Variants in NFIA observed in about 807,000 individuals in gnomAD.
NFIA encodes the protein nuclear factor 1 A-type.
NFIA carries 8 observed loss-of-function variants against 62.8 expected under a neutral mutation model. The observed-to-expected ratio is 0.13, with a 90% CI of 0.07 to 0.23. The LOEUF is 0.23. Ranked by LOEUF, NFIA falls within the 10% of genes least tolerant of loss-of-function variation. The probability of loss-of-function intolerance (pLI) is 1.00; values close to 1 mark genes in which losing one functional copy is unlikely to be tolerated. For missense variants in NFIA, 410 were observed against 642.1 expected (o/e 0.64, Z 3.91); for synonymous variants, 235 against 238.1 (o/e 0.99, Z 0.12).
chr1:61,219,636 C>T (rs570381001), intron 2 of NFIA, among the ~76,000 whole-genome samples: 172 of 149,420 alleles, frequency 1.2e-3, no homozygotes, highest in African/African-American at 4.1e-3. Flanking sequence ...ATGGCGTGAA[C>T]GCGGGAGGCG....
At chr1:61,331,787 T>G (rs1005611327) in intron 3 of NFIA, among the ~76,000 whole-genome samples, 6 of 152,186 alleles carry the variant, frequency 3.9e-5, no homozygotes, top group Non-Finnish European at 7.4e-5. Context: ...TAGTTGGTGA[T>G]CGACATAATA....
chr1:61,190,760 A>G (rs1413136620), intron 2 of NFIA, among the ~76,000 whole-genome samples: 1 of 152,204 alleles, frequency 6.6e-6, no homozygotes, highest in South Asian at 2.1e-4. Flanking sequence ...TTCACTCTAG[A>G]CCATATTTGG....
At chr1:61,236,853 A>G (rs1655042950) in intron 2 of NFIA, among the ~76,000 whole-genome samples, 1 of 152,200 alleles carries the variant, frequency 6.6e-6, no homozygotes, top group African/African-American at 2.4e-5. Context: ...CAGTGAGAAT[A>G]TCTTAAGAAA....
intron 2 of NFIA, among the ~76,000 whole-genome samples, chr1:61,166,736 C>T (rs1189687303): frequency 6.6e-6 from 1 of 152,160 alleles, no homozygotes; most frequent in African/African-American, 2.4e-5. Flanking sequence ...AGTATAGGCT[C>T]TCTCAGCATG....
Position 61,422,289 on chromosome 1 carries a change from G to A in NFIA, c.1421-4176G>A, listed in dbSNP as rs553433412. On this transcript the variant is annotated intron_variant, in intron 9 of 10. Transcript: ENST00000403491. ...AAAAAATAAAGAAACCTCAACTGACGTTGGCATGAATATTTTAATATCTTA... is the reference window on the plus strand; with the variant it reads ...AAAAAATAAAGAAACCTCAACTGACATTGGCATGAATATTTTAATATCTTA... Among the ~76,000 whole-genome samples the A allele has an allele frequency of 2.2e-3, 335 of 152,190 alleles. 1 individual carries two copies. Among genetic ancestry groups the A allele is most frequent in the Non-Finnish European group, 3.4e-3 (228 of 67,998 alleles).
chr1:61,413,488 T>C (rs1023538219), intron 9 of NFIA, among the ~76,000 whole-genome samples: 3 of 152,102 alleles, frequency 2.0e-5, no homozygotes, highest in Non-Finnish European at 4.4e-5. Context: ...TACAGGCCTT[T>C]CCATGCTCTT....
chr1:61,267,750 C>T (rs939452966), intron 2 of NFIA, among the ~76,000 whole-genome samples: 1 of 152,122 alleles, frequency 6.6e-6, no homozygotes, highest in East Asian at 1.9e-4. Context: ...TGAATGTACA[C>T]AACAACTTGT....
chr1:61,138,287 G>T (rs950058609), intron 2 of NFIA, among the ~76,000 whole-genome samples: 1 of 151,948 alleles, frequency 6.6e-6, no homozygotes, highest in African/African-American at 2.4e-5. Context: ...GTAAAGATAG[G>T]GTCTCACCAT....
At chr1:61,224,399 A>G (rs1026600079) in intron 2 of NFIA, among the ~76,000 whole-genome samples, 3 of 152,146 alleles carry the variant, frequency 2.0e-5, no homozygotes, top group African/African-American at 7.2e-5. Flanking sequence ...ACATTAATAT[A>G]TTAGAGGGTC....
upstream of NFIA, chr1:61,081,715 T>A: frequency 8.4e-6 from 5 of 596,010 alleles, no homozygotes; most frequent in African/African-American, 1.9e-5. Context: ...GCCCCCCAAA[T>A]CCGGTGAATC....
Position 61,292,339 on chromosome 1 carries a change from G to T in NFIA, c.625+14754G>T, listed in dbSNP as rs2806428. 7.4e-4 allele frequency among the ~76,000 whole-genome samples: 112 copies of T among 152,124 alleles called. 1 individual carries two copies. The highest frequency in any genetic ancestry group is 2.6e-3 in the African/African-American group (108 of 41,480). On this transcript the variant is annotated intron_variant, in intron 3 of 10. Coordinates refer to ENST00000403491, the MANE Select transcript of NFIA (RefSeq NM_001134673.4). ...ATATTTTAGGGTGAATGAATGAATG[G>T]GTAAATGAATGAATCTTGTGTTCAG...
intron 7 of NFIA, among the ~76,000 whole-genome samples, chr1:61,390,250 A>C (rs1413980804): frequency 6.6e-6 from 1 of 152,168 alleles, no homozygotes; most frequent in Non-Finnish European, 1.5e-5. Flanking sequence ...CAAATAAATC[A>C]TGCTCTTAGA....
chr1:61,087,074 T>A (rs1646231525), intron 1 of NFIA, among the ~76,000 whole-genome samples: 1 of 152,124 alleles, frequency 6.6e-6, no homozygotes, highest in Admixed American at 6.5e-5. Context: ...CTTAATTTTT[T>A]AAAAAATATA....
At chr1:61,292,699 A>T (rs183222532) in intron 3 of NFIA, among the ~76,000 whole-genome samples, 10 of 152,318 alleles carry the variant, frequency 6.6e-5, no homozygotes, top group African/African-American at 2.4e-4. Flanking sequence ...AGAGCTTGTT[A>T]GGTATTTGAC....
rs1668294967 is a variant in NFIA, at chr1:61,456,218, G to A, written c.*898G>A. ...TAGCTAAATATCTTTGTAAGATAGA[G>A]ATTGTTGAAAATTCTATTTTTGTTT... On this transcript the variant is annotated 3_prime_UTR_variant, in exon 11 of 11. Coordinates refer to ENST00000403491, the MANE Select transcript of NFIA (RefSeq NM_001134673.4). 1 of 152,520 alleles carries A rather than the reference G, an allele frequency of 6.6e-6. No homozygotes were observed. Among genetic ancestry groups the A allele is most frequent in the Non-Finnish European group, 1.5e-5 (1 of 68,014 alleles). 9.4% of individuals were successfully genotyped at this position (152,520 alleles called of 1,614,324 possible). A position where few individuals can be genotyped will look rare whatever the true frequency, so the allele number is the denominator to read the frequency against.
At chr1:61,382,156 C>A (rs1163639685) in intron 6 of NFIA, among the ~76,000 whole-genome samples, 1 of 152,096 alleles carries the variant, frequency 6.6e-6, no homozygotes, top group Non-Finnish European at 1.5e-5. Context: ...GACTAGGAGT[C>A]ATTTCTTTTA....
rs1473049405 is a variant in NFIA, at chr1:61,409,485, C to A, written c.1420+2758C>A. On this transcript the variant is annotated intron_variant, in intron 9 of 10. Transcript: ENST00000403491. Reference sequence around the variant, plus strand: ...TTCAAATTAAAAATCTTGAAGCCCACTCATCCTTATTTGGAGGGGATTTAA... The same window carrying A: ...TTCAAATTAAAAATCTTGAAGCCCAATCATCCTTATTTGGAGGGGATTTAA... Among the ~76,000 whole-genome samples the A allele has an allele frequency of 4.6e-5, 7 of 152,274 alleles. No individual in the cohort carries two copies. In the East Asian group the frequency reaches 1.4e-3, roughly 29 times the overall value.
chr1:61,111,440 T>G (rs1378053706), intron 2 of NFIA, among the ~76,000 whole-genome samples: 1 of 152,170 alleles, frequency 6.6e-6, no homozygotes, highest in Non-Finnish European at 1.5e-5. Flanking sequence ...GCTTATACTT[T>G]GCTATTTACA....
At chr1:61,327,520 T>A (rs1457396517) in intron 3 of NFIA, among the ~76,000 whole-genome samples, 1 of 152,178 alleles carries the variant, frequency 6.6e-6, no homozygotes. Context: ...GTATTTAGTT[T>A]TCCATTCCTG....
Sources: gnomAD v4.1 joint callset for allele counts (sites outside exome capture counted in the v4.1 genomes callset) on GRCh38, gnomAD v4.1.1 for gene constraint, MANE v1.5 for transcripts, NCBI Gene and HGNC (gene_info 2026-07-23, HGNC 2026-07-21) for gene names.